Variants in WWOX observed in about 807,000 individuals in gnomAD.
WWOX encodes the protein WW domain containing oxidoreductase, also known as WW domain-containing oxidoreductase.
Under a neutral mutation model 46.2 loss-of-function variants are expected in WWOX, and 69 were observed. The ratio of observed to expected loss-of-function variants is 1.49; its 90% confidence interval spans 1.23 to 1.82. WWOX has a LOEUF of 1.82. Among genes scored for constraint, WWOX ranks in the 40% most tolerant of loss-of-function variants. The probability of loss-of-function intolerance (pLI) is 0.00; values close to 1 mark genes in which losing one functional copy is unlikely to be tolerated. For synonymous variants in WWOX, 359 were observed against 202.6 expected, an observed-to-expected ratio of 1.77 and a Z score of -6.56; for missense variants, 919 against 542.6, an observed-to-expected ratio of 1.69 and a Z score of -6.89.
intron 8 of WWOX, chr16:78,899,628 T>G (rs1038328851): frequency 6.6e-6 from 1 of 152,244 alleles, no homozygotes; most frequent in African/African-American, 2.4e-5. Flanking sequence ...CAATTTTAAA[T>G]AAAAGATATG....
chr16:78,278,774 C>G, intron 5 of WWOX: 1 of 913,694 alleles, frequency 1.1e-6, no homozygotes, highest in Non-Finnish European at 1.7e-6. Flanking sequence ...CAGACATGTA[C>G]GATTTGCAAC....
At chr16:78,938,831 A>G (rs1275673996) in intron 8 of WWOX, among the ~76,000 whole-genome samples, 1 of 152,170 alleles carries the variant, frequency 6.6e-6, no homozygotes, top group Non-Finnish European at 1.5e-5. Flanking sequence ...GTCTAATTTC[A>G]GGAAAGTCAG....
chr16:78,689,870 G>A (rs1284959207), intron 8 of WWOX, among the ~76,000 whole-genome samples: 3 of 151,716 alleles, frequency 2.0e-5, no homozygotes, highest in Admixed American at 1.3e-4. Context: ...TTTTTTGTGT[G>A]TTTTTTTGGA....
intron 8 of WWOX, among the ~76,000 whole-genome samples, chr16:79,153,414 T>G (rs947243256): frequency 6.6e-6 from 1 of 152,056 alleles, no homozygotes; most frequent in African/African-American, 2.4e-5. Flanking sequence ...ACTGTGGAGG[T>G]GTCCTCAGGT....
intron 8 of WWOX, among the ~76,000 whole-genome samples, chr16:78,956,714 G>T (rs747320539): frequency 1.3e-5 from 2 of 151,876 alleles, no homozygotes; most frequent in Non-Finnish European, 2.9e-5. Flanking sequence ...AATTCCTTTT[G>T]TGTTTTTGAG....
chr16:78,128,057 G>T (rs766812270), intron 4 of WWOX, among the ~76,000 whole-genome samples: 1 of 152,200 alleles, frequency 6.6e-6, no homozygotes, highest in Non-Finnish European at 1.5e-5. Context: ...TGAATATAAG[G>T]TTGCTGGCGT....
chr16:79,148,303 T>G (rs2050216578), intron 8 of WWOX, among the ~76,000 whole-genome samples: 1 of 152,194 alleles, frequency 6.6e-6, no homozygotes, highest in East Asian at 1.9e-4. Flanking sequence ...GAACATCTCA[T>G]TGTTTTAGCA....
At chr16:78,431,057 C>G (rs926002599) in intron 7 of WWOX, among the ~76,000 whole-genome samples, 3 of 152,188 alleles carry the variant, frequency 2.0e-5, no homozygotes, top group Non-Finnish European at 2.9e-5. Context: ...GGTCCTTTGA[C>G]AAACATGAGA....
In WWOX at chr16:78,339,519, G is replaced by A. The variant is rs75170916; in HGVS notation, c.517-47341G>A. Among the ~76,000 whole-genome samples, 1,005 of 119,674 alleles carry A rather than the reference G, an allele frequency of 8.4e-3. 305 individuals carry two copies. Among genetic ancestry groups the A allele is most frequent in the Non-Finnish European group, 0.014 (714 of 50,306 alleles). 78.5% of individuals were successfully genotyped at this position (119,674 alleles called of 152,430 possible). On this transcript the variant is annotated intron_variant, in intron 5 of 8. Coordinates refer to ENST00000566780, the MANE Select transcript of WWOX (RefSeq NM_016373.4). ...TGGAAAGTTCATTTACCTGTACCCG[G>A]AGTTGGAACTTCTCTTCCACATCTT... is the stretch of plus-strand genomic sequence containing the variant.
Position 78,553,585 on chromosome 16 carries a change from T to C in WWOX, c.1056+120833T>C, listed in dbSNP as rs190778589. ...CCGCTAGAGCCCTGTAAAGAAAGCC[T>C]ACAAGGGAGCAGGTTTTAGGCAATA... On this transcript the variant is annotated intron_variant, in intron 8 of 8. Transcript: ENST00000566780. 6.4e-4 allele frequency among the ~76,000 whole-genome samples: 98 copies of C among 152,232 alleles called. 1 individual carries two copies. The East Asian group carries it at 0.012, about 18-fold the overall frequency.
intron 8 of WWOX, among the ~76,000 whole-genome samples, chr16:79,058,777 T>G (rs2048310142): frequency 6.6e-6 from 1 of 152,246 alleles, no homozygotes; most frequent in Non-Finnish European, 1.5e-5. Context: ...TATTATTTTA[T>G]TCTATACTAA....
At chr16:78,480,846 C>G (rs1022108229) in intron 8 of WWOX, among the ~76,000 whole-genome samples, 1 of 152,170 alleles carries the variant, frequency 6.6e-6, no homozygotes, top group African/African-American at 2.4e-5. Context: ...TGGATTGAGA[C>G]ATCAGATTAT....
chr16:79,013,505 C>G (rs1366648961), intron 8 of WWOX, among the ~76,000 whole-genome samples: 1 of 152,158 alleles, frequency 6.6e-6, no homozygotes, highest in Non-Finnish European at 1.5e-5. Context: ...CATGAAGTCA[C>G]TCAAAGCTCA....
chr16:78,368,146 T>C (rs1044813890), intron 5 of WWOX, among the ~76,000 whole-genome samples: 2 of 152,210 alleles, frequency 1.3e-5, no homozygotes, highest in East Asian at 3.9e-4. Flanking sequence ...TTATGTCAAC[T>C]TTGTAAGGGC....
intron 8 of WWOX, among the ~76,000 whole-genome samples, chr16:78,610,539 C>T (rs1040388291): frequency 1.3e-5 from 2 of 152,064 alleles, no homozygotes; most frequent in African/African-American, 4.8e-5. Context: ...CTTACCTGGA[C>T]ATATTAATTT....
At chr16:78,539,849 A>G (rs1325572902) in intron 8 of WWOX, among the ~76,000 whole-genome samples, 1 of 152,116 alleles carries the variant, frequency 6.6e-6, no homozygotes, top group African/African-American at 2.4e-5. Flanking sequence ...TCTTGCCATT[A>G]CTGTACCTCT....
intron 8 of WWOX, among the ~76,000 whole-genome samples, chr16:78,798,282 T>G (rs969586556): frequency 2.0e-5 from 3 of 151,688 alleles, no homozygotes; most frequent in African/African-American, 7.3e-5. Flanking sequence ...AGAGTAGAAG[T>G]CAGGCTCAGA....
chr16:78,887,011 C>A (rs995796205), intron 8 of WWOX, among the ~76,000 whole-genome samples: 1 of 150,968 alleles, frequency 6.6e-6, no homozygotes, highest in South Asian at 2.1e-4. Flanking sequence ...TTCATATTGT[C>A]AGTCTCAAAC....
At position 78,403,069 on chromosome 16, in the gene WWOX, A is replaced by G. The variant is rs557976656; in HGVS notation, c.605+16121A>G. On this transcript the variant is annotated intron_variant, in intron 6 of 8. Transcript: ENST00000566780. ...CGGCTGTCAGGGGCTTCTGAACTCT[A>G]TTACAGCTCCATATATCTCTAGGCA... 5.9e-4 allele frequency among the ~76,000 whole-genome samples: 90 copies of G among 152,344 alleles called. 1 individual carries two copies. Among genetic ancestry groups the G allele is most frequent in the Non-Finnish European group, 1.1e-3 (73 of 68,038 alleles).
Sources: gnomAD v4.1 joint callset for allele counts (sites outside exome capture counted in the v4.1 genomes callset) on GRCh38, gnomAD v4.1.1 for gene constraint, MANE v1.5 for transcripts, NCBI Gene and HGNC (gene_info 2026-07-23, HGNC 2026-07-21) for gene names.